STOX1: variants seen among roughly 807,000 people sequenced by gnomAD.
STOX1 encodes the protein storkhead-box protein 1.
In STOX1, 57 loss-of-function variants were observed where a neutral mutation model predicts 74.8. The ratio of observed to expected loss-of-function variants is 0.76; its 90% CI spans 0.62 to 0.95. The LOEUF (loss-of-function observed/expected upper bound fraction) is 0.95, where lower values mean the gene tolerates loss of function less well. Among genes scored for constraint, STOX1 ranks in the 40% least tolerant of loss-of-function variants. The pLI, the probability that STOX1 is intolerant of heterozygous loss-of-function variation, is 0.00. For missense variants in STOX1, 1,010 were observed against 1,117.0 expected (o/e 0.90, Z 1.37); for synonymous variants, 375 against 401.3 (o/e 0.93, Z 0.78).
At chr10:68,882,550 T>C (rs951257581) in intron 2 of STOX1, among the ~76,000 whole-genome samples, 1 of 151,176 alleles carries the variant, frequency 6.6e-6, no homozygotes, top group Non-Finnish European at 1.5e-5. Context: ...CAGGCTAGAG[T>C]GCAGTGGCAC....
At chr10:68,865,371 C>T (rs368280161) in intron 1 of STOX1, among the ~76,000 whole-genome samples, 174 of 152,304 alleles carry the variant, frequency 1.1e-3, no homozygotes, top group African/African-American at 3.5e-3. Context: ...AGTTTTTGGC[C>T]GGGCGCAGTG....
intron 1 of STOX1, among the ~76,000 whole-genome samples, chr10:68,873,774 TTTAGTAGCTGGGA>T (rs1840606558): frequency 6.7e-6 from 1 of 149,946 alleles, no homozygotes; most frequent in African/African-American, 2.4e-5. Context: ...CCTCAGCCTC[TTTAGTAGCTGGGA>T]TTACAGGCGC....
chr10:68,835,310 G>C (rs1226509559), intron 1 of STOX1, among the ~76,000 whole-genome samples: 1 of 152,136 alleles, frequency 6.6e-6, no homozygotes, highest in African/African-American at 2.4e-5. Flanking sequence ...CCAAAGTGCT[G>C]GGATTACAGG....
At chr10:68,851,313 A>AAG (rs1554828225) in intron 1 of STOX1, among the ~76,000 whole-genome samples, 2 of 151,912 alleles carry the variant, frequency 1.3e-5, no homozygotes, top group African/African-American at 2.4e-5. Context: ...AAAAAAAAAA[A>AAG]AAAGAAAAAA....
Position 68,867,737 on chromosome 10 carries a change from C to A in STOX1, c.311-14221C>A, listed in dbSNP as rs1337706398. Among the ~76,000 whole-genome samples, 3 of 152,244 alleles carry A rather than the reference C, an allele frequency of 2.0e-5. No individual in the cohort carries two copies. The South Asian group carries it at 6.2e-4, about 32-fold the overall frequency. On this transcript the variant is annotated intron_variant, in intron 1 of 3. Transcript: ENST00000298596. Reference sequence around the variant, plus strand: ...AAGGTGGAATGAATCAGAGCCCACACTGACCAGACAGTTACAGGAATATCC... The same window carrying A: ...AAGGTGGAATGAATCAGAGCCCACAATGACCAGACAGTTACAGGAATATCC...
chr10:68,841,828 A>G (rs1341165185), intron 1 of STOX1, among the ~76,000 whole-genome samples: 1 of 152,096 alleles, frequency 6.6e-6, no homozygotes, highest in Non-Finnish European at 1.5e-5. Context: ...TTGTGGGTAG[A>G]TGTTGGAGGC....
intron 1 of STOX1, among the ~76,000 whole-genome samples, chr10:68,858,944 T>A (rs1840193895): frequency 6.6e-6 from 1 of 152,092 alleles, no homozygotes; most frequent in South Asian, 2.1e-4. Flanking sequence ...AGTGGAGCCC[T>A]ATCCCAGCTC....
chr10:68,885,361 G>A lies in STOX1; in HGVS notation c.1565G>A (p.Ser522Asn). ...KIQKTSDLKP[S>N]QTGPKEKPFQ... ...CAGAAGACGAGTGATCTGAAACCCA[G>A]CCAGACTGGACCAAAGGAAAAGCCT... The change falls in exon 3 of 4, where the codon AGC (serine) becomes AAC (asparagine). Residue 522 changes from serine (S) to asparagine (N), a missense_variant. Ser to Asn is a conservative substitution (Grantham distance 46). Coordinates refer to ENST00000298596, the MANE Select transcript of STOX1 (RefSeq NM_152709.5). 1.2e-6 allele frequency: 2 copies of A among 1,614,200 alleles called. No individual in the cohort carries two copies. The highest frequency in any genetic ancestry group is 1.7e-6 in the Non-Finnish European group (2 of 1,180,038).
intron 1 of STOX1, among the ~76,000 whole-genome samples, chr10:68,857,400 A>C (rs908904661): frequency 6.6e-6 from 1 of 152,058 alleles, no homozygotes; most frequent in Non-Finnish European, 1.5e-5. Context: ...CGGGTTCTCT[A>C]TTTAACCTTC....
chr10:68,849,761 T>A (rs1026099957), intron 1 of STOX1, among the ~76,000 whole-genome samples: 1 of 152,230 alleles, frequency 6.6e-6, no homozygotes, highest in Non-Finnish European at 1.5e-5. Flanking sequence ...ATCCTTGTTC[T>A]AGATTTTGAT....
chr10:68,867,521 G>A (rs560578068), intron 1 of STOX1, among the ~76,000 whole-genome samples: 5 of 152,100 alleles, frequency 3.3e-5, no homozygotes, highest in Admixed American at 1.3e-4. Flanking sequence ...AGTGTCCTCT[G>A]GAAAAGAAAG....
intron 1 of STOX1, among the ~76,000 whole-genome samples, chr10:68,849,398 C>T (rs927316357): frequency 4.6e-4 from 70 of 152,030 alleles, no homozygotes; most frequent in African/African-American, 1.5e-3. Context: ...CGAACTCTTC[C>T]GATTATTTAA....
downstream of STOX1, chr10:68,893,150 CAG>C (rs1195920931): frequency 5.2e-6 from 1 of 190,916 alleles, no homozygotes; most frequent in Non-Finnish European, 1.1e-5. Flanking sequence ...AATCAGAAAA[CAG>C]TGTGTGTTGA....
At chr10:68,842,250 C>G (rs575896900) in intron 1 of STOX1, among the ~76,000 whole-genome samples, 3 of 152,228 alleles carry the variant, frequency 2.0e-5, no homozygotes, top group Non-Finnish European at 2.9e-5. Flanking sequence ...CCCATAGGTT[C>G]ATAGGTTTCA....
At chr10:68,836,149 C>T (rs762802428) in intron 1 of STOX1, among the ~76,000 whole-genome samples, 5 of 152,334 alleles carry the variant, frequency 3.3e-5, no homozygotes, top group East Asian at 3.9e-4. Context: ...GGATTATGGG[C>T]GCGAGCCACC....
intron 1 of STOX1, among the ~76,000 whole-genome samples, chr10:68,878,149 A>T (rs1484063410): frequency 1.3e-5 from 2 of 152,172 alleles, no homozygotes; most frequent in Non-Finnish European, 2.9e-5. Context: ...GTTTTTAGGG[A>T]GGTAGGGAAG....
intron 1 of STOX1, among the ~76,000 whole-genome samples, chr10:68,877,482 T>C (rs960497514): frequency 1.3e-5 from 2 of 152,126 alleles, no homozygotes; most frequent in Admixed American, 6.5e-5. Context: ...TCACAGGAGG[T>C]TGCAAACAAA....
chr10:68,833,583 T>C (rs1839466528), intron 1 of STOX1, among the ~76,000 whole-genome samples: 1 of 152,036 alleles, frequency 6.6e-6, no homozygotes, highest in Non-Finnish European at 1.5e-5. Context: ...CATGCACTGG[T>C]GGTCAGAGTG....
intron 1 of STOX1, among the ~76,000 whole-genome samples, chr10:68,875,124 A>G (rs1840644437): frequency 6.6e-6 from 1 of 152,210 alleles, no homozygotes. Flanking sequence ...GAAGCCTGGC[A>G]TTGTTGCCCT....
Sources: gnomAD v4.1 joint callset for allele counts (sites outside exome capture counted in the v4.1 genomes callset) on GRCh38, gnomAD v4.1.1 for gene constraint, MANE v1.5 for transcripts, NCBI Gene and HGNC (gene_info 2026-07-23, HGNC 2026-07-21) for gene names.